Variants in ZFAT observed in about 807,000 individuals in gnomAD.
ZFAT encodes zinc finger protein ZFAT.
A neutral mutation model predicts 117.7 loss-of-function variants in ZFAT; 64 were observed. The ratio of observed to expected loss-of-function variants is 0.54; its 90% CI spans 0.44 to 0.67. The LOEUF is 0.67. Among genes scored for constraint, ZFAT ranks in the 30% least tolerant of loss-of-function variants. ZFAT has a pLI of 0.00. For missense variants in ZFAT, 1,433 were observed against 1,584.5 expected (o/e 0.90, Z 1.62); for synonymous variants, 679 against 615.0 (o/e 1.10, Z -1.54).
chr8:134,481,783 T>C (rs1193591293), intron 15 of ZFAT, among the ~76,000 whole-genome samples: 2 of 152,184 alleles, frequency 1.3e-5, no homozygotes, highest in Non-Finnish European at 2.9e-5. Flanking sequence ...GACCTGAAGG[T>C]AAACGATGTG....
At chr8:134,531,172 C>G (rs2130551324) in intron 12 of ZFAT, among the ~76,000 whole-genome samples, 1 of 152,332 alleles carries the variant, frequency 6.6e-6, no homozygotes, top group South Asian at 2.1e-4. Context: ...AGTTCAACCT[C>G]AGCACATTTT....
chr8:134,805,472 G>A, the ZFAT span, among the ~76,000 whole-genome samples: 1 of 152,156 alleles, frequency 6.6e-6, no homozygotes, highest in African/African-American at 2.4e-5. Context: ...CCTGTCTCCA[G>A]CTGATTTAGG....
intron 13 of ZFAT, among the ~76,000 whole-genome samples, chr8:134,520,379 A>T (rs979350495): frequency 6.6e-6 from 1 of 152,104 alleles, no homozygotes; most frequent in Non-Finnish European, 1.5e-5. Flanking sequence ...CTGAAAAGAG[A>T]GATGGTTACT....
chr8:134,610,958 T>C (rs1828292481), intron 3 of ZFAT, among the ~76,000 whole-genome samples: 1 of 152,232 alleles, frequency 6.6e-6, no homozygotes, highest in Admixed American at 6.5e-5. Context: ...TTCAGAATCA[T>C]TAATAAACAA....
rs1005156820 is a variant in ZFAT, at chr8:134,713,023, A to G, written c.-160T>C. On this transcript the variant is annotated 5_prime_UTR_variant, in exon 1 of 16. It removes an upstream start codon present in the reference 5' UTR. Transcript: ENST00000377838. ...TTATGGCGAATCTGCGGCATCCAAC[A>G]TGGCGGATGGAGTCTTCGCCCTCCT... 1 of 806,578 alleles carries G rather than the reference A, an allele frequency of 1.2e-6. No individual in the cohort carries two copies. Among genetic ancestry groups the G allele is most frequent in the Non-Finnish European group, 1.7e-6 (1 of 574,106 alleles). 50.0% of individuals were successfully genotyped at this position (806,578 alleles called of 1,614,324 possible).
chr8:134,639,869 C>A (rs958803416), intron 2 of ZFAT: 2 of 435,964 alleles, frequency 4.6e-6, no homozygotes, highest in African/African-American at 4.1e-5. Flanking sequence ...ACTCTGCCAT[C>A]CCGCAGACAC....
At chr8:134,683,009 G>A (rs977117283) in intron 1 of ZFAT, among the ~76,000 whole-genome samples, 28 of 152,150 alleles carry the variant, frequency 1.8e-4, no homozygotes, top group African/African-American at 5.8e-4. Context: ...ATGGACAAAC[G>A]CACCCTTCCT....
Position 134,601,823 on chromosome 8 carries a change from T to C in ZFAT, c.1896A>G (p.Thr632=). Residue 632 remains threonine (T), a synonymous_variant, in exon 6 of 16, where the codon ACA becomes ACG. Transcript: ENST00000377838. ...SSVQTQGEVI[T]LLLSKAQSAG... is the part of the protein sequence containing the mutation. ...CACTCTGGGCCTTGGACAGCAGTAG[T>C]GTGATCACTTCACCTTGCGTCTGGA... The C allele has an allele frequency of 6.2e-7, 1 of 1,613,624 alleles. No individual in the cohort carries two copies. Among genetic ancestry groups the C allele is most frequent in the South Asian group, 1.1e-5 (1 of 90,956 alleles).
chr8:134,523,168 C>T (rs1182591424), intron 12 of ZFAT, among the ~76,000 whole-genome samples: 2 of 152,268 alleles, frequency 1.3e-5, no homozygotes, highest in East Asian at 3.9e-4. Context: ...GTGCAAGTAC[C>T]ACTCCACTGA....
At chr8:134,527,700 C>T (rs1023731598) in intron 12 of ZFAT, among the ~76,000 whole-genome samples, 2 of 152,148 alleles carry the variant, frequency 1.3e-5, no homozygotes, top group African/African-American at 4.8e-5. Flanking sequence ...TATTTAAATC[C>T]CAGCCCCTCT....
At chr8:134,606,631 G>A (rs115742975) in intron 5 of ZFAT, among the ~76,000 whole-genome samples, 144 of 151,770 alleles carry the variant, frequency 9.5e-4, no homozygotes, top group African/African-American at 3.3e-3. Flanking sequence ...CAAGAGAATA[G>A]GCAAGAGAAT....
intron 7 of ZFAT, among the ~76,000 whole-genome samples, chr8:134,591,704 G>C (rs1347779646): frequency 6.6e-6 from 1 of 152,208 alleles, no homozygotes; most frequent in Admixed American, 6.5e-5. Flanking sequence ...TGAACACAGA[G>C]CTGCATGCAG....
rs555866190 is a variant in ZFAT at position 134,631,211 on chromosome 8, C to G, written c.448+6250G>C. Reference sequence around the variant, plus strand: ...AGCCGATAATCTGATTAGAAAGGACCCTGTCTGTCTGCCATTGCTGAAGAG... The same window carrying G: ...AGCCGATAATCTGATTAGAAAGGACGCTGTCTGTCTGCCATTGCTGAAGAG... On this transcript the variant is annotated intron_variant, in intron 3 of 15. Transcript: ENST00000377838. Among the ~76,000 whole-genome samples, 9 of 152,306 alleles carry G rather than the reference C, an allele frequency of 5.9e-5. No homozygotes were observed. The South Asian group carries it at 1.9e-3, about 32-fold the overall frequency.
chr8:134,773,540 G>A, the ZFAT span, among the ~76,000 whole-genome samples: 2 of 152,230 alleles, frequency 1.3e-5, no homozygotes, highest in Non-Finnish European at 1.5e-5. Context: ...GTCTATAGCT[G>A]CCATAAATAG....
Position 134,508,417 on chromosome 8 carries a change from T to C in ZFAT, c.3492+1202A>G, listed in dbSNP as rs118061260. 3.7e-3 allele frequency among the ~76,000 whole-genome samples: 565 copies of C among 152,324 alleles called. 4 individuals carry two copies. The highest frequency in any genetic ancestry group is 0.017 in the Middle Eastern group (5 of 294). ...TAGTGCCAAGAAAAGCTAACCCCCT[T>C]CCTGAGTTAACTGTTTAACGTCTCC... On this transcript the variant is annotated intron_variant, in intron 15 of 15. Transcript: ENST00000377838.
At chr8:134,646,721 T>A (rs1830919226) in intron 2 of ZFAT, among the ~76,000 whole-genome samples, 1 of 151,912 alleles carries the variant, frequency 6.6e-6, no homozygotes, top group Non-Finnish European at 1.5e-5. Context: ...GGACACATTA[T>A]AACTGGCACC....
chr8:134,807,438 G>GAA, the ZFAT span, among the ~76,000 whole-genome samples: 4,817 of 151,584 alleles, frequency 0.032, 245 homozygotes, highest in African/African-American at 0.11. Context: ...AAATATTCTG[G>GAA]AAAAAAAACC....
At chr8:134,642,040 G>A (rs1435963000) in intron 2 of ZFAT, among the ~76,000 whole-genome samples, 1 of 152,190 alleles carries the variant, frequency 6.6e-6, no homozygotes, top group Non-Finnish European at 1.5e-5. Flanking sequence ...CACTTTCCCA[G>A]CTATTATCTC....
upstream of ZFAT, among the ~76,000 whole-genome samples, chr8:134,714,147 T>TA (rs1814158274): frequency 8.0e-6 from 1 of 125,730 alleles, no homozygotes; most frequent in Non-Finnish European, 1.6e-5. Context: ...AAAGCAGACT[T>TA]CAGGAGACTG....
Sources: gnomAD v4.1 joint callset for allele counts (sites outside exome capture counted in the v4.1 genomes callset) on GRCh38, gnomAD v4.1.1 for gene constraint, MANE v1.5 for transcripts, NCBI Gene and HGNC (gene_info 2026-07-23, HGNC 2026-07-21) for gene names.